The following ZCCHC7 variants were observed in gnomAD, a reference collection of about 807,000 sequenced individuals.
ZCCHC7 encodes the protein zinc finger CCHC domain-containing protein 7.
Under a neutral mutation model 52.0 loss-of-function variants are expected in ZCCHC7, and 35 were observed. The ratio of observed to expected loss-of-function variants is 0.67; its 90% CI spans 0.51 to 0.89. The LOEUF is 0.89. ZCCHC7 is among the 40% of genes least tolerant of loss of function. The pLI is 0.00. For missense variants in ZCCHC7, 574 were observed against 649.1 expected, an observed-to-expected ratio of 0.88 and a Z score of 1.26; for synonymous variants, 217 against 221.5, an observed-to-expected ratio of 0.98 and a Z score of 0.18.
intron 2 of ZCCHC7, among the ~76,000 whole-genome samples, chr9:37,154,594 C>T (rs1820708664): frequency 6.6e-6 from 1 of 152,134 alleles, no homozygotes; most frequent in African/African-American, 2.4e-5. Flanking sequence ...GAAATCCTCT[C>T]ACCTTATCCC....
chr9:37,269,585 T>A (rs574422882), intron 2 of ZCCHC7, among the ~76,000 whole-genome samples: 2 of 126,096 alleles, frequency 1.6e-5, no homozygotes, highest in Non-Finnish European at 3.1e-5. Flanking sequence ...TACCACTGCA[T>A]TCCAACCTGA....
At chr9:37,223,127 G>C (rs773506011) in intron 2 of ZCCHC7, among the ~76,000 whole-genome samples, 7 of 151,906 alleles carry the variant, frequency 4.6e-5, no homozygotes, top group Non-Finnish European at 7.4e-5. Flanking sequence ...CTGCCTATGA[G>C]GTAGCCCTGC....
intron 2 of ZCCHC7, among the ~76,000 whole-genome samples, chr9:37,263,966 C>T (rs1826980826): frequency 6.6e-6 from 1 of 152,198 alleles, no homozygotes; most frequent in Admixed American, 6.5e-5. Flanking sequence ...CTTCCTCCAG[C>T]CAAGACCTTT....
At chr9:37,292,276 AC>A (rs1405214993) in intron 2 of ZCCHC7, among the ~76,000 whole-genome samples, 14 of 152,174 alleles carry the variant, frequency 9.2e-5, no homozygotes, top group African/African-American at 2.7e-4. Flanking sequence ...AATGGTGAAA[AC>A]TATTTTTCCT....
intron 2 of ZCCHC7, among the ~76,000 whole-genome samples, chr9:37,146,753 T>A (rs1012277765): frequency 6.6e-6 from 1 of 151,892 alleles, no homozygotes; most frequent in Non-Finnish European, 1.5e-5. Context: ...AAGGACAGAT[T>A]TAAAAATTTT....
intron 2 of ZCCHC7, among the ~76,000 whole-genome samples, chr9:37,237,470 CTG>C (rs1184597665): frequency 3.3e-5 from 5 of 152,160 alleles, no homozygotes; most frequent in African/African-American, 1.2e-4. Flanking sequence ...TTCCCCTTGA[CTG>C]TATCACTTAA....
chr9:37,327,603 CG>C (rs1830300259), intron 5 of ZCCHC7, 195 bp from the exon 6 acceptor site: 1 of 479,556 alleles, frequency 2.1e-6, no homozygotes, highest in African/African-American at 2.0e-5. Flanking sequence ...CTGACAATGG[CG>C]GGGAGTGTGT....
At position 37,279,146 on chromosome 9, in the gene ZCCHC7, G is replaced by A. The variant is rs145325785; in HGVS notation, c.611-23042G>A. On this transcript the variant is annotated intron_variant, in intron 2 of 8. Transcript: ENST00000336755. ...CAAACTCCTGTTTTCAAAAAGGAAT[G>A]AAGGGAAAACTTGTCTTATTTTATC... Among the ~76,000 whole-genome samples the A allele has an allele frequency of 2.5e-3, 385 of 152,158 alleles. 2 individuals carry two copies. Among genetic ancestry groups the A allele is most frequent in the African/African-American group, 8.9e-3 (369 of 41,504 alleles).
At chr9:37,146,988 A>G (rs1843464238) in intron 2 of ZCCHC7, among the ~76,000 whole-genome samples, 2 of 151,916 alleles carry the variant, frequency 1.3e-5, no homozygotes, top group Admixed American at 6.6e-5. Flanking sequence ...AACTTTAGCT[A>G]TCTAATAGAG....
In ZCCHC7 at chr9:37,236,132, T is replaced by G. The variant is rs111980612; in HGVS notation, c.611-66056T>G. Among the ~76,000 whole-genome samples, 515 of 152,286 alleles carry G rather than the reference T, an allele frequency of 3.4e-3. 2 individuals carry two copies. Among genetic ancestry groups the G allele is most frequent in the African/African-American group, 0.012 (490 of 41,576 alleles). ...GTTTTTTGAGGAACCTCCACACTGT[T>G]TTCCATAATGGCTGTACTAATTTAC... is the stretch of plus-strand genomic sequence containing the variant. On this transcript the variant is annotated intron_variant, in intron 2 of 8. Transcript: ENST00000336755.
intron 6 of ZCCHC7, among the ~76,000 whole-genome samples, chr9:37,328,037 T>C (rs1454943569): frequency 6.6e-6 from 1 of 152,114 alleles, no homozygotes; most frequent in Non-Finnish European, 1.5e-5. Context: ...AAGAATTTGA[T>C]TTTTTTATTA....
chr9:37,295,367 T>G (rs941323532), intron 2 of ZCCHC7, among the ~76,000 whole-genome samples: 1 of 152,326 alleles, frequency 6.6e-6, no homozygotes, highest in Non-Finnish European at 1.5e-5. Context: ...GAAAGGCACA[T>G]TGTATAGTAT....
At chr9:37,264,046 A>G (rs1180543500) in intron 2 of ZCCHC7, among the ~76,000 whole-genome samples, 3 of 152,142 alleles carry the variant, frequency 2.0e-5, no homozygotes, top group Admixed American at 1.3e-4. Flanking sequence ...TTACATTTCT[A>G]AGATCTTAAA....
chr9:37,183,216 T>C (rs1822462841), intron 2 of ZCCHC7, among the ~76,000 whole-genome samples: 1 of 152,220 alleles, frequency 6.6e-6, no homozygotes, highest in Non-Finnish European at 1.5e-5. Context: ...TAGACATCTC[T>C]TTATTTAATA....
chr9:37,230,213 A>G (rs1472094138), intron 2 of ZCCHC7, among the ~76,000 whole-genome samples: 2 of 152,210 alleles, frequency 1.3e-5, no homozygotes, highest in African/African-American at 4.8e-5. Context: ...TAAATAAATA[A>G]ACCAGAAACA....
At chr9:37,164,455 A>C (rs1821295792) in intron 2 of ZCCHC7, among the ~76,000 whole-genome samples, 1 of 137,908 alleles carries the variant, frequency 7.3e-6, no homozygotes, top group Non-Finnish European at 1.5e-5. Context: ...ATAGATAGAT[A>C]GATAGATAGA....
chr9:37,150,633 G>A (rs1820465229), intron 2 of ZCCHC7, among the ~76,000 whole-genome samples: 1 of 152,176 alleles, frequency 6.6e-6, no homozygotes, highest in African/African-American at 2.4e-5. Flanking sequence ...AGAAGGCATT[G>A]CATCACATAT....
intron 2 of ZCCHC7, among the ~76,000 whole-genome samples, chr9:37,300,147 C>T (rs1828962527): frequency 6.6e-6 from 1 of 152,138 alleles, no homozygotes; most frequent in South Asian, 2.1e-4. Context: ...TGAATAGAGT[C>T]GATCTCCCTC....
chr9:37,171,605 A>G (rs1298897538), intron 2 of ZCCHC7, among the ~76,000 whole-genome samples: 1 of 151,814 alleles, frequency 6.6e-6, no homozygotes, highest in African/African-American at 2.4e-5. Context: ...TTTTTTTTAG[A>G]GATGGTGTCT....
Sources: gnomAD v4.1 joint callset for allele counts (sites outside exome capture counted in the v4.1 genomes callset) on GRCh38, gnomAD v4.1.1 for gene constraint, MANE v1.5 for transcripts, NCBI Gene and HGNC (gene_info 2026-07-23, HGNC 2026-07-21) for gene names.